The following TAFA4 variants were observed in gnomAD, a reference collection of about 807,000 sequenced individuals.
The protein encoded by TAFA4 is TAFA chemokine like family member 4.
TAFA4 carries 20 observed loss-of-function variants against 21.1 expected under a neutral mutation model. The observed-to-expected ratio is 0.95, with a 90% CI of 0.67 to 1.38. The LOEUF (loss-of-function observed/expected upper bound fraction) is 1.38, where lower values mean the gene tolerates loss of function less well. Ranked by LOEUF, TAFA4 falls within the 40% of genes most tolerant of loss-of-function variation. TAFA4 has a pLI of 0.00. For missense variants in TAFA4, 211 were observed against 180.9 expected, an observed-to-expected ratio of 1.17 and a Z score of -0.95; for synonymous variants, 71 against 67.4, an observed-to-expected ratio of 1.05 and a Z score of -0.26.
At chr3:68,906,803 G>GCC (rs2089905215) in intron 1 of TAFA4, among the ~76,000 whole-genome samples, 1 of 152,150 alleles carries the variant, frequency 6.6e-6, no homozygotes, top group Admixed American at 6.5e-5. Context: ...GCCGAGGCGG[G>GCC]TGGATCACCT....
At chr3:68,911,651 A>G (rs2089962801) in intron 1 of TAFA4, among the ~76,000 whole-genome samples, 1 of 152,240 alleles carries the variant, frequency 6.6e-6, no homozygotes, top group South Asian at 2.1e-4. Flanking sequence ...CAAATCAGGA[A>G]GGGAGACACA....
chr3:68,823,489 G>T (rs565799554), intron 3 of TAFA4, among the ~76,000 whole-genome samples: 10 of 152,156 alleles, frequency 6.6e-5, no homozygotes, highest in South Asian at 2.1e-4. Context: ...AGGACATACA[G>T]GTTTGTTACA....
Position 68,737,305 on chromosome 3 carries a change from G to T in TAFA4, c.411+1770C>A, listed in dbSNP as rs1045928862. On this transcript the variant is annotated intron_variant, in intron 5 of 5. Coordinates refer to ENST00000295569, the MANE Select transcript of TAFA4 (RefSeq NM_182522.5). ...GATAGGGAAATTATCTTAAGGCAGG[G>T]TTTGCTTAGCAAGCACGCTGAGTCT... Among the ~76,000 whole-genome samples the T allele has an allele frequency of 3.3e-5, 5 of 152,192 alleles. No homozygotes were observed. The South Asian group carries it at 8.3e-4, about 25-fold the overall frequency.
At chr3:68,917,753 C>CAAAAAAAAAAAAAAAA (rs55853026) in intron 1 of TAFA4, among the ~76,000 whole-genome samples, 2 of 58,200 alleles carry the variant, frequency 3.4e-5, no homozygotes, top group African/African-American at 6.4e-5. Context: ...GACTCTGTCT[C>CAAAAAAAAAAAAAAAA]AAAAAAAAAA....
At chr3:68,831,284 G>A (rs936865307) in intron 3 of TAFA4, among the ~76,000 whole-genome samples, 7 of 151,422 alleles carry the variant, frequency 4.6e-5, no homozygotes, top group African/African-American at 1.5e-4. Context: ...TCACAGTGTC[G>A]ATGGTCTTTA....
At chr3:68,750,834 G>C (rs918737490) in intron 4 of TAFA4, among the ~76,000 whole-genome samples, 15 of 152,156 alleles carry the variant, frequency 9.9e-5, no homozygotes, top group African/African-American at 3.6e-4. Flanking sequence ...TGTCTGTAGA[G>C]AGCAATCTGT....
At chr3:68,743,575 CAAA>C (rs1156284708) in intron 4 of TAFA4, among the ~76,000 whole-genome samples, 1 of 65,736 alleles carries the variant, frequency 1.5e-5, no homozygotes, top group Non-Finnish European at 3.0e-5. Flanking sequence ...GACTCTGTCT[CAAA>C]AAAAAAAAAA....
chr3:68,866,651 TAAAAAAAAAAAA>T (rs59878536), intron 3 of TAFA4, among the ~76,000 whole-genome samples: 1 of 12,396 alleles, frequency 8.1e-5, no homozygotes, highest in African/African-American at 4.4e-4. Flanking sequence ...ATAGCAGTTC[TAAAAAAAAAAAA>T]AAAAAAAAAA....
intron 3 of TAFA4, among the ~76,000 whole-genome samples, chr3:68,820,632 C>T (rs953597864): frequency 2.0e-5 from 3 of 152,122 alleles, no homozygotes; most frequent in African/African-American, 7.2e-5. Context: ...CACCACTGTA[C>T]TCCAAGCTGG....
chr3:68,748,000 C>G (rs989389020), intron 4 of TAFA4, among the ~76,000 whole-genome samples: 4 of 152,122 alleles, frequency 2.6e-5, no homozygotes, highest in African/African-American at 7.2e-5. Context: ...CCATCATATC[C>G]TTCTACCTAC....
chr3:68,776,507 T>C (rs1267300917), intron 3 of TAFA4, among the ~76,000 whole-genome samples: 2 of 152,206 alleles, frequency 1.3e-5, no homozygotes, highest in Admixed American at 6.5e-5. Context: ...CTTTAAAATA[T>C]GTGAAACAAA....
chr3:68,737,585 C>G (rs1483775853), intron 5 of TAFA4, among the ~76,000 whole-genome samples: 1 of 152,120 alleles, frequency 6.6e-6, no homozygotes, highest in South Asian at 2.1e-4. Flanking sequence ...ATAATATCAG[C>G]TAAAGTTCCC....
chr3:68,802,862 C>A (rs770547209), intron 3 of TAFA4, among the ~76,000 whole-genome samples: 1 of 152,168 alleles, frequency 6.6e-6, no homozygotes, highest in Non-Finnish European at 1.5e-5. Context: ...AGGAAGTTGG[C>A]CTTTCAATTA....
At chr3:68,872,148 G>A (rs1023273973) in intron 3 of TAFA4, among the ~76,000 whole-genome samples, 9 of 151,976 alleles carry the variant, frequency 5.9e-5, no homozygotes, top group African/African-American at 1.4e-4. Context: ...TGGGAACAAC[G>A]TAAGTGTCCA....
chr3:68,929,535 T>G (rs1359329957), intron 1 of TAFA4, among the ~76,000 whole-genome samples: 2 of 152,236 alleles, frequency 1.3e-5, no homozygotes, highest in Admixed American at 1.3e-4. Flanking sequence ...AGAAATGAAC[T>G]CATGTACTCA....
intron 3 of TAFA4, among the ~76,000 whole-genome samples, chr3:68,767,969 A>C (rs2106777833): frequency 6.6e-6 from 1 of 152,068 alleles, no homozygotes; most frequent in African/African-American, 2.4e-5. Flanking sequence ...TCAAATCTTT[A>C]TTTGCTACAT....
chr3:68,785,338 T>C (rs1228255916), intron 3 of TAFA4, among the ~76,000 whole-genome samples: 2 of 152,210 alleles, frequency 1.3e-5, no homozygotes, highest in Admixed American at 6.5e-5. Context: ...GGGTGGTCGA[T>C]GGGACTGGGC....
At chr3:68,865,364 T>C (rs1467604555) in intron 3 of TAFA4, among the ~76,000 whole-genome samples, 1 of 152,022 alleles carries the variant, frequency 6.6e-6, no homozygotes, top group Non-Finnish European at 1.5e-5. Flanking sequence ...GTAGTTCCCA[T>C]AATCCCCATG....
At chr3:68,789,669 C>G (rs1281167685) in intron 3 of TAFA4, among the ~76,000 whole-genome samples, 1 of 150,314 alleles carries the variant, frequency 6.7e-6, no homozygotes, top group Non-Finnish European at 1.5e-5. Flanking sequence ...TATCCCCCTA[C>G]ACATGATGCT....
Sources: allele counts gnomAD v4.1 joint callset (sites outside exome capture counted in the v4.1 genomes callset), GRCh38; gene constraint gnomAD v4.1.1; transcripts MANE v1.5; gene names NCBI Gene and HGNC (gene_info 2026-07-23, HGNC 2026-07-21).